SLC39A6: variants seen among roughly 807,000 people sequenced by gnomAD.
The protein encoded by SLC39A6 is zinc transporter ZIP6.
In SLC39A6, 51 loss-of-function variants were observed where a neutral mutation model predicts 63.5. The ratio of observed to expected loss-of-function variants is 0.80; its 90% CI spans 0.64 to 1.01. The LOEUF is 1.01. Ranked by LOEUF, SLC39A6 falls within the 50% of genes least tolerant of loss-of-function variation. The pLI is 0.00. For synonymous variants in SLC39A6, 318 were observed against 324.7 expected (o/e 0.98, Z 0.22); for missense variants, 805 against 927.8 (o/e 0.87, Z 1.72).
chr18:36,124,955 GA>G (rs1380703161), intron 2 of SLC39A6, among the ~76,000 whole-genome samples: 1 of 152,150 alleles, frequency 6.6e-6, no homozygotes, highest in African/African-American at 2.4e-5. Flanking sequence ...GCCTCAGGTG[GA>G]ACAAGCATGA....
chr18:36,112,657 G>T (rs1737105441), intron 7 of SLC39A6, 76 bp from the exon 8 acceptor site: 1 of 1,081,582 alleles, frequency 9.2e-7, no homozygotes, highest in African/African-American at 1.6e-5. Flanking sequence ...GCAAAATGAG[G>T]TAACAAGAAA....
Position 36,109,555 on chromosome 18 carries a change from T to C in SLC39A6, c.*38A>G. 1 of 1,546,008 alleles carries C rather than the reference T, an allele frequency of 6.5e-7. No homozygotes were observed. Among genetic ancestry groups the C allele is most frequent in the South Asian group, 1.1e-5 (1 of 87,336 alleles). On this transcript the variant is annotated 3_prime_UTR_variant, in exon 10 of 10. Transcript: ENST00000269187. ...ATCTCCCTATGACCTACTGAAACTA[T>C]GACAACTTTTTAAGCTACTCTAGCA...
At chr18:36,116,225 A>C (rs2144502354) in intron 6 of SLC39A6, among the ~76,000 whole-genome samples, 1 of 152,332 alleles carries the variant, frequency 6.6e-6, no homozygotes, top group Middle Eastern at 3.4e-3. Context: ...ATATGAGAGA[A>C]TGTCCATTTT....
intron 1 of SLC39A6, 89 bp downstream of exon 1, chr18:36,129,025 C>G (rs904352203): frequency 6.6e-6 from 1 of 152,342 alleles, no homozygotes; most frequent in African/African-American, 2.4e-5. Context: ...GGATCCGGTT[C>G]TCCGCAGAAC....
chr18:36,111,501 T>TG (rs2089299526), intron 8 of SLC39A6, among the ~76,000 whole-genome samples: 1 of 150,190 alleles, frequency 6.7e-6, no homozygotes, highest in South Asian at 2.1e-4. Flanking sequence ...TTCTTTTTTT[T>TG]GAGACAGTAT....
intron 4 of SLC39A6, among the ~76,000 whole-genome samples, chr18:36,122,633 A>G (rs2089403644): frequency 6.7e-6 from 1 of 148,434 alleles, no homozygotes; most frequent in Non-Finnish European, 1.5e-5. Context: ...TCATCACACT[A>G]GCATTGTAAG....
chr18:36,110,762 G>A (rs1229269125), intron 9 of SLC39A6, among the ~76,000 whole-genome samples: 1 of 151,904 alleles, frequency 6.6e-6, no homozygotes, highest in Non-Finnish European at 1.5e-5. Context: ...GCCTGGTCTC[G>A]AACTCCTGAC....
chr18:36,123,604 A>T lies in SLC39A6; in HGVS notation c.1031T>A (p.Ile344Asn). Reference protein sequence around the residue: ...IISFLSLLGVILVPLMNRVFF... With the variant: ...IISFLSLLGVNLVPLMNRVFF... ...CACCCGATTCATGAGAGGCACTAAG[A>T]TAACCCCCAGCAGAGACAGGAAACT... Residue 344 changes from isoleucine (I) to asparagine (N), a missense_variant, in exon 4 of 10, where the codon ATC (isoleucine) becomes AAC (asparagine). By Grantham distance (149) the Ile-to-Asn change is moderately radical. Coordinates refer to ENST00000269187, the MANE Select transcript of SLC39A6 (RefSeq NM_012319.4). 6.2e-7 allele frequency: 1 copy of T among 1,613,964 alleles called. No homozygotes were observed. The highest frequency in any genetic ancestry group is 8.5e-7 in the Non-Finnish European group (1 of 1,179,962).
intron 7 of SLC39A6, among the ~76,000 whole-genome samples, chr18:36,113,846 C>T (rs1041440826): frequency 6.6e-6 from 1 of 152,094 alleles, no homozygotes; most frequent in Non-Finnish European, 1.5e-5. Context: ...TAAGACCTTG[C>T]AATTTAAGAA....
intron 5 of SLC39A6, 117 bp downstream of exon 5, chr18:36,121,935 A>C: frequency 2.9e-6 from 2 of 694,438 alleles, no homozygotes; most frequent in Non-Finnish European, 4.8e-6. Flanking sequence ...AAGGGTACTG[A>C]ACTCCCTCTC....
chr18:36,110,421 G>A (rs1192854026), intron 9 of SLC39A6, among the ~76,000 whole-genome samples: 1 of 144,762 alleles, frequency 6.9e-6, no homozygotes, highest in Admixed American at 6.9e-5. Flanking sequence ...CAAGATAAAG[G>A]TGTGATCAAC....
Position 36,114,069 on chromosome 18 carries a change from A to T in SLC39A6, c.1843+28T>A, listed in dbSNP as rs531428068. On this transcript the variant is annotated intron_variant, in intron 7 of 9. Coordinates refer to ENST00000269187, the MANE Select transcript of SLC39A6 (RefSeq NM_012319.4). ...TAATGTGACATTTTCAGAATCAATC[A>T]ACAAGGAACAAATATGTAGATATAT... The T allele has an allele frequency of 5.0e-5, 77 of 1,531,822 alleles. 1 individual carries two copies. In the South Asian group the frequency reaches 7.5e-4, roughly 15 times the overall value. 94.9% of individuals were successfully genotyped at this position (1,531,822 alleles called of 1,614,324 possible).
At chr18:36,110,587 G>T (rs996558117) in intron 9 of SLC39A6, among the ~76,000 whole-genome samples, 1 of 151,766 alleles carries the variant, frequency 6.6e-6, no homozygotes, top group Non-Finnish European at 1.5e-5. Flanking sequence ...TGTCCAGGCT[G>T]GAGTGCAGTA....
chr18:36,112,508 A>G lies in SLC39A6; in HGVS notation c.1917T>C (p.His639=). Residue 639 remains histidine, a synonymous_variant, in exon 8 of 10, where the codon CAT becomes CAC. Transcript: ENST00000269187. ...SVAVFCHELP[H]ELGDFAVLLK... ...TTTATGTGGTTCTCTTACCTAATTCATGAGGCAACTCATGACAGAACACAG... is the reference window on the plus strand; with the variant it reads ...TTTATGTGGTTCTCTTACCTAATTCGTGAGGCAACTCATGACAGAACACAG... 3.7e-6 allele frequency: 6 copies of G among 1,612,166 alleles called. No individual in the cohort carries two copies. The highest frequency in any genetic ancestry group is 4.2e-6 in the Non-Finnish European group (5 of 1,178,620).
chr18:36,125,294 A>G (rs2089427310), intron 2 of SLC39A6, among the ~76,000 whole-genome samples: 1 of 151,188 alleles, frequency 6.6e-6, no homozygotes, highest in African/African-American at 2.4e-5. Context: ...ATTTAATTAG[A>G]TGACAAACTT....
chr18:36,115,325 CCA>C (rs2089335265), intron 6 of SLC39A6, among the ~76,000 whole-genome samples: 1 of 151,910 alleles, frequency 6.6e-6, no homozygotes, highest in Non-Finnish European at 1.5e-5. Context: ...GCCTGTAGTC[CCA>C]GTTACTCGGG....
chr18:36,128,630 A>C (rs2089474790), intron 1 of SLC39A6, among the ~76,000 whole-genome samples: 1 of 152,060 alleles, frequency 6.6e-6, no homozygotes, highest in African/African-American at 2.4e-5. Flanking sequence ...GTGGGAGGGG[A>C]CTAGCACAGG....
At chr18:36,128,280 T>C (rs1481161292) in intron 1 of SLC39A6, among the ~76,000 whole-genome samples, 1 of 152,096 alleles carries the variant, frequency 6.6e-6, no homozygotes, top group Non-Finnish European at 1.5e-5. Context: ...AGACGTCAAG[T>C]TTACAACTAA....
chr18:36,124,728 C>A, intron 2 of SLC39A6, 28 bp from the exon 3 acceptor site: 1 of 1,492,832 alleles, frequency 6.7e-7, no homozygotes, highest in Non-Finnish European at 9.1e-7. Context: ...GTGAAAATCA[C>A]CAAAAGCCAT....
Sources: allele counts gnomAD v4.1 joint callset (sites outside exome capture counted in the v4.1 genomes callset), GRCh38; gene constraint gnomAD v4.1.1; transcripts MANE v1.5; gene names NCBI Gene and HGNC (gene_info 2026-07-23, HGNC 2026-07-21).